DNAJB5: variants seen among roughly 807,000 people sequenced by gnomAD.
DNAJB5 encodes the protein dnaJ homolog subfamily B member 5.
A neutral mutation model predicts 32.6 loss-of-function variants in DNAJB5; 12 were observed. The ratio of observed to expected loss-of-function variants is 0.37; its 90% CI spans 0.24 to 0.60. The LOEUF (loss-of-function observed/expected upper bound fraction) is 0.60. Among genes scored for constraint, DNAJB5 ranks in the 20% least tolerant of loss-of-function variants. DNAJB5 has a pLI of 0.71. For synonymous variants in DNAJB5, 188 were observed against 212.9 expected (o/e 0.88, Z 1.02); for missense variants, 358 against 554.2 (o/e 0.65, Z 3.55).
At chr9:34,994,029 T>C (rs1055153453) in intron 3 of DNAJB5, among the ~76,000 whole-genome samples, 2 of 152,144 alleles carry the variant, frequency 1.3e-5, no homozygotes, top group Non-Finnish European at 2.9e-5. Context: ...CTGGGGTAGC[T>C]GGTGGCCATG....
chr9:34,997,225 G>A lies in DNAJB5; in HGVS notation c.1229G>A (p.Arg410Lys). 6.2e-7 allele frequency: 1 copy of A among 1,614,150 alleles called. No homozygotes were observed. Among genetic ancestry groups the A allele is most frequent in the East Asian group, 2.2e-5 (1 of 44,878 alleles). Residue 410 changes from arginine to lysine, a missense_variant, in exon 5 of 5, where the codon AGA (arginine) becomes AAA (lysine). Arg to Lys is a conservative substitution (Grantham distance 26). Coordinates refer to ENST00000682809, the MANE Select transcript of DNAJB5 (RefSeq NM_001349723.3). The surrounding 1 kb of genome is among the most constrained non-coding windows in gnomAD (Gnocchi z 4.1). ...RFPDRLTPQT[R>K]QILKQHLPCS ...CCAGACAGATTAACACCACAGACAAGACAGATCCTTAAGCAGCACCTACCC... is the reference window on the plus strand; with the variant it reads ...CCAGACAGATTAACACCACAGACAAAACAGATCCTTAAGCAGCACCTACCC...
At position 34,997,788 on chromosome 9, in the gene DNAJB5, A is replaced by G. The variant is rs1827845365; in HGVS notation, c.*529A>G. ...AGAGCTGTCTGTGCCTCTCTGGGAGAAAGGAGAGAGGATAAGAAGGGAAAG... is the reference window on the plus strand; with the variant it reads ...AGAGCTGTCTGTGCCTCTCTGGGAGGAAGGAGAGAGGATAAGAAGGGAAAG... On this transcript the variant is annotated 3_prime_UTR_variant, in exon 5 of 5. Coordinates refer to ENST00000682809, the MANE Select transcript of DNAJB5 (RefSeq NM_001349723.3). This position sits in a 1 kb window ranked among gnomAD's most constrained non-coding sequence, Gnocchi z 4.1. 4.6e-6 allele frequency: 1 copy of G among 218,212 alleles called. No individual in the cohort carries two copies. Among genetic ancestry groups the G allele is most frequent in the Non-Finnish European group, 9.4e-6 (1 of 106,916 alleles). The allele number at this position is 218,212 out of a possible 1,614,324, so 13.5% of individuals were successfully genotyped here.
In DNAJB5 at chr9:34,996,192, A is replaced by T; in HGVS notation, c.428-73A>T. On this transcript the variant is annotated intron_variant, in intron 3 of 4. Coordinates refer to ENST00000682809, the MANE Select transcript of DNAJB5 (RefSeq NM_001349723.3). The surrounding 1 kb of genome is among the most constrained non-coding windows in gnomAD (Gnocchi z 7.2). ...TCTTTAAGCCTGTGAACTGGGAGCT[A>T]GAGGGCAGGGGGAAGACACTGGGAT... 1 of 1,539,082 alleles carries T rather than the reference A, an allele frequency of 6.5e-7. No individual in the cohort carries two copies. Among genetic ancestry groups the T allele is most frequent in the South Asian group, 1.3e-5 (1 of 77,820 alleles).
Position 34,989,847 on chromosome 9 carries a change from C to A in DNAJB5, c.-133+16C>A. The A allele has an allele frequency of 8.1e-7, 1 of 1,235,940 alleles. No homozygotes were observed. The highest frequency in any genetic ancestry group is 1.0e-6 in the Non-Finnish European group (1 of 990,262). 76.6% of individuals were successfully genotyped at this position (1,235,940 alleles called of 1,614,324 possible). A position where few individuals can be genotyped will look rare whatever the true frequency, so the allele number is the denominator to read the frequency against. ...CTCCTCACCGGTGAGGGCGCCAAGC[C>A]AGGACTCGGGGGTCCCGGGAGCGGG... On this transcript the variant is annotated intron_variant, in intron 1 of 4. Transcript: ENST00000682809.
Position 34,997,320 on chromosome 9 carries a change from A to T in DNAJB5, c.*61A>T, listed in dbSNP as rs770051452. 8 of 1,497,138 alleles carry T rather than the reference A, an allele frequency of 5.3e-6. No individual in the cohort carries two copies. The highest frequency in any genetic ancestry group is 7.4e-6 in the Non-Finnish European group (8 of 1,077,172). 92.7% of individuals were successfully genotyped at this position (1,497,138 alleles called of 1,614,324 possible). A position where few individuals can be genotyped will look rare whatever the true frequency, so the allele number is the denominator to read the frequency against. Reference sequence around the variant, plus strand: ...ATACCCCCAACACTCACTCCACTCAATGTGCACCCAGCTTGATGTCCACTG... The same window carrying T: ...ATACCCCCAACACTCACTCCACTCATTGTGCACCCAGCTTGATGTCCACTG... On this transcript the variant is annotated 3_prime_UTR_variant, in exon 5 of 5. Coordinates refer to ENST00000682809, the MANE Select transcript of DNAJB5 (RefSeq NM_001349723.3). This position sits in a 1 kb window ranked among gnomAD's most constrained non-coding sequence, Gnocchi z 4.1.
intron 2 of DNAJB5, chr9:34,991,309 G>A (rs1337043813): frequency 6.6e-6 from 3 of 456,552 alleles, no homozygotes; most frequent in Non-Finnish European, 8.8e-6. Context: ...GGGTAGGGGG[G>A]AAGGGAAGGA....
At chr9:34,991,322 G>A (rs779828691) in intron 2 of DNAJB5, 3 of 456,446 alleles carry the variant, frequency 6.6e-6, no homozygotes, top group South Asian at 4.6e-5. Context: ...GGGAAGGAGG[G>A]AGGAAAGCAG....
rs1315599000 is a variant in DNAJB5, at chr9:34,990,399, C to A, written c.-132-100C>A. 1.3e-6 allele frequency: 2 copies of A among 1,526,570 alleles called. No homozygotes were observed. Among genetic ancestry groups the A allele is most frequent in the East Asian group, 5.0e-5 (2 of 40,306 alleles). 94.6% of individuals were successfully genotyped at this position (1,526,570 alleles called of 1,614,324 possible). A position where few individuals can be genotyped will look rare whatever the true frequency, so the allele number is the denominator to read the frequency against. ...ACGCTTGCACTCCCAGCCTCACTGA[C>A]ACGCTGCCATACAGCCGCTCACAGC... On this transcript the variant is annotated intron_variant, in intron 1 of 4. Transcript: ENST00000682809. The surrounding 1 kb of genome is among the most constrained non-coding windows in gnomAD (Gnocchi z 4.5).
In DNAJB5 at chr9:34,990,838, C is replaced by CGT. The variant is rs1394468719; in HGVS notation, c.182+26_182+27insGT. 1 of 1,536,740 alleles carries CGT rather than the reference C, an allele frequency of 6.5e-7. No homozygotes were observed. On this transcript the variant is annotated intron_variant, in intron 2 of 4. Coordinates refer to ENST00000682809, the MANE Select transcript of DNAJB5 (RefSeq NM_001349723.3). This position sits in a 1 kb window ranked among gnomAD's most constrained non-coding sequence, Gnocchi z 4.5. Reference sequence around the variant, plus strand: ...GTAAGTCCCTCCGGAGAAGGGCACTCACACCCATACCCAGTCAAACCCTCC... The same window carrying CGT: ...GTAAGTCCCTCCGGAGAAGGGCACTCGTACACCCATACCCAGTCAAACCCTCC...
rs1827588795 is a variant in DNAJB5 at position 34,990,327 on chromosome 9, T to C, written c.-132-172T>C. The C allele has an allele frequency of 6.9e-7, 1 of 1,459,792 alleles. No homozygotes were observed. The highest frequency in any genetic ancestry group is 2.9e-5 in the East Asian group (1 of 34,094). 90.4% of individuals were successfully genotyped at this position (1,459,792 alleles called of 1,614,324 possible). ...CAGGAGCTCACTGCCTCTCGGGCCC[T>C]CACAATCACACCTGTCACAGGTATA... On this transcript the variant is annotated intron_variant, in intron 1 of 4. Transcript: ENST00000682809. This position sits in a 1 kb window ranked among gnomAD's most constrained non-coding sequence, Gnocchi z 4.5.
Position 34,990,466 on chromosome 9 carries a change from CT to C in DNAJB5, c.-132-31del. On this transcript the variant is annotated intron_variant, in intron 1 of 4. Transcript: ENST00000682809. This position sits in a 1 kb window ranked among gnomAD's most constrained non-coding sequence, Gnocchi z 4.5. ...CACCTGAGAGCAGGTGGCCGCGGGT[CT>C]TCTCCCTTCACTCTCCACATTTGGG... 6.5e-7 allele frequency: 1 copy of C among 1,535,482 alleles called. No homozygotes were observed. Among genetic ancestry groups the C allele is most frequent in the Non-Finnish European group, 8.7e-7 (1 of 1,146,402 alleles).
In DNAJB5 at chr9:34,996,429, C is replaced by G. The variant is rs140560026; in HGVS notation, c.592C>G (p.Pro198Ala). 6.4e-5 allele frequency: 103 copies of G among 1,614,168 alleles called. 1 individual carries two copies. The African/African-American group carries it at 1.3e-3, about 20-fold the overall frequency. The change falls in exon 4 of 5, where the codon CCA (proline) becomes GCA (alanine). Residue 198 changes from proline to alanine, a missense_variant. This residue lies in a region of DNAJB5 where 248 missense variants were observed against 442.6 expected (regional missense o/e 0.56). Coordinates refer to ENST00000682809, the MANE Select transcript of DNAJB5 (RefSeq NM_001349723.3). This position sits in a 1 kb window ranked among gnomAD's most constrained non-coding sequence, Gnocchi z 7.2. ...RSTRPFSGFDPDDMDVDEDED... is the reference protein window; with the variant it reads ...RSTRPFSGFDADDMDVDEDED... The stretch of plus-strand genomic sequence containing the variant: ...CACTCGGCCCTTCAGTGGCTTTGAC[C>G]CAGATGACATGGATGTGGATGAAGA...
chr9:34,992,878 G>A (rs113684648), intron 2 of DNAJB5: 78 of 1,181,964 alleles, frequency 6.6e-5, no homozygotes, highest in African/African-American at 2.7e-4. Context: ...GTGCCACCTC[G>A]CTCAGCAGGG....
chr9:34,992,308 G>A (rs879812251), intron 2 of DNAJB5: 3 of 152,306 alleles, frequency 2.0e-5, no homozygotes, highest in Admixed American at 6.5e-5. Context: ...TGGACTGGGG[G>A]CGTAGGGTGA....
In DNAJB5 at chr9:34,993,275, G is replaced by A. The variant is rs1827704012; in HGVS notation, c.258G>A (p.Gly86=). 6.2e-7 allele frequency: 1 copy of A among 1,614,152 alleles called. No individual in the cohort carries two copies. Among genetic ancestry groups the A allele is most frequent in the Non-Finnish European group, 8.5e-7 (1 of 1,180,030 alleles). The change falls in exon 3 of 5, where the codon GGG becomes GGA. Residue 86 remains glycine, a synonymous_variant. Coordinates refer to ENST00000682809, the MANE Select transcript of DNAJB5 (RefSeq NM_001349723.3). The surrounding 1 kb of genome is among the most constrained non-coding windows in gnomAD (Gnocchi z 4.7). ...ACAAGATTCTTGGGATCCCATCGGG[G>A]GCCAACGAGGATGAGATCAAGAAAG... ...DYYKILGIPS[G]ANEDEIKKAY...
chr9:34,994,296 C>T (rs1417463129), intron 3 of DNAJB5, among the ~76,000 whole-genome samples: 2 of 152,234 alleles, frequency 1.3e-5, no homozygotes, highest in East Asian at 3.8e-4. Context: ...CCTCCCCTTT[C>T]TATCCTCAAA....
intron 2 of DNAJB5, chr9:34,992,681 C>A: frequency 1.6e-6 from 1 of 626,028 alleles, no homozygotes; most frequent in Non-Finnish European, 2.0e-6. Flanking sequence ...CATTCCCTGA[C>A]TCAGTCTGGC....
At chr9:34,992,276 G>C (rs1827671482) in intron 2 of DNAJB5, 1 of 152,236 alleles carries the variant, frequency 6.6e-6, no homozygotes, top group African/African-American at 2.4e-5. Context: ...TCTGATGATG[G>C]GCCGGATCCT....
At position 34,997,305 on chromosome 9, in the gene DNAJB5, C is replaced by T. The variant is rs746936238; in HGVS notation, c.*46C>T. 5.1e-6 allele frequency: 8 copies of T among 1,560,644 alleles called. No homozygotes were observed. The highest frequency in any genetic ancestry group is 1.7e-4 in the Middle Eastern group (1 of 5,992). ...GAGCCTACCACAGCAATACCCCCAA[C>T]ACTCACTCCACTCAATGTGCACCCA... On this transcript the variant is annotated 3_prime_UTR_variant, in exon 5 of 5. Coordinates refer to ENST00000682809, the MANE Select transcript of DNAJB5 (RefSeq NM_001349723.3). The surrounding 1 kb of genome is among the most constrained non-coding windows in gnomAD (Gnocchi z 4.1).
Sources: allele counts gnomAD v4.1 joint callset (sites outside exome capture counted in the v4.1 genomes callset), GRCh38; gene constraint gnomAD v4.1.1; regional missense constraint gnomAD v4.1.1; non-coding constraint Gnocchi (gnomAD v3.1); transcripts MANE v1.5; gene names NCBI Gene and HGNC (gene_info 2026-07-23, HGNC 2026-07-21).